Variants in GATA4 observed in about 807,000 individuals in gnomAD.
GATA4 encodes the protein transcription factor GATA-4.
A neutral mutation model predicts 37.9 loss-of-function variants in GATA4; 7 were observed. The observed-to-expected ratio is 0.18, with a 90% CI of 0.11 to 0.35. The LOEUF is 0.35. GATA4 is among the 10% of genes least tolerant of loss of function. GATA4 has a pLI of 1.00. For missense variants in GATA4, 647 were observed against 653.0 expected (o/e 0.99, Z 0.10); for synonymous variants, 372 against 292.6 (o/e 1.27, Z -2.77).
chr8:11,713,681 G>T (rs911666411), intron 2 of GATA4, among the ~76,000 whole-genome samples: 1 of 152,134 alleles, frequency 6.6e-6, no homozygotes, highest in African/African-American at 2.4e-5. Context: ...TTAACTCTGT[G>T]TTAGTGAAGG....
At chr8:11,752,040 C>T (rs1330882972) in intron 4 of GATA4, among the ~76,000 whole-genome samples, 1 of 152,074 alleles carries the variant, frequency 6.6e-6, no homozygotes, top group East Asian at 1.9e-4. Context: ...CTTAAAACCC[C>T]ATAAAGGAAT....
At chr8:11,696,034 G>A (rs888556900) in intron 1 of GATA4, among the ~76,000 whole-genome samples, 3 of 152,216 alleles carry the variant, frequency 2.0e-5, no homozygotes, top group Non-Finnish European at 4.4e-5. Context: ...TCGCACTAAA[G>A]ACAGGATGGG....
chr8:11,726,851 C>A (rs572805376), intron 2 of GATA4, among the ~76,000 whole-genome samples: 80 of 152,324 alleles, frequency 5.3e-4, no homozygotes, highest in African/African-American at 1.8e-3. Context: ...TCTTTACATT[C>A]CATCAGTGTT....
chr8:11,703,191 A>T (rs77081760), upstream of GATA4, among the ~76,000 whole-genome samples: 1 of 151,726 alleles, frequency 6.6e-6, no homozygotes, highest in African/African-American at 2.4e-5. Flanking sequence ...AAAAAAAAAA[A>T]GTTTAACCGA....
chr8:11,718,191 C>G (rs73537880), intron 2 of GATA4, among the ~76,000 whole-genome samples: 1,690 of 152,252 alleles, frequency 0.011, 28 homozygotes, highest in African/African-American at 0.039. Context: ...AGGAAAAGCC[C>G]CGTGGAATTG....
At chr8:11,686,586 C>A (rs10096015) in intron 1 of GATA4, among the ~76,000 whole-genome samples, 13,879 of 152,196 alleles carry the variant, frequency 0.091, 2,182 homozygotes, top group African/African-American at 0.32. Flanking sequence ...GGCACCATAG[C>A]CATCTTCATG....
rs1800091820 is a variant in GATA4 at position 11,709,822 on chromosome 8, G to A, written c.616+894G>A. ...CCACTGATTCACAAATAAACGCAGCGGGATCTGAGAAGGGGCCTGAGTACA... is the reference window on the plus strand; with the variant it reads ...CCACTGATTCACAAATAAACGCAGCAGGATCTGAGAAGGGGCCTGAGTACA... On this transcript the variant is annotated intron_variant, in intron 2 of 6. Coordinates refer to ENST00000532059, the MANE Select transcript of GATA4 (RefSeq NM_001308093.3). The surrounding 1 kb of genome is among the most constrained non-coding windows in gnomAD (Gnocchi z 4.3). Among the ~76,000 whole-genome samples the A allele has an allele frequency of 6.6e-6, 1 of 152,146 alleles. No homozygotes were observed. Among genetic ancestry groups the A allele is most frequent in the South Asian group, 2.1e-4 (1 of 4,824 alleles).
upstream of GATA4, chr8:11,691,980 T>C (rs1267743635): frequency 3.1e-6 from 3 of 983,210 alleles, no homozygotes; most frequent in Admixed American, 1.2e-4. Context: ...ATGTTGACTT[T>C]CTCCTTTAAT....
chr8:11,738,058 G>A (rs956214050), intron 2 of GATA4, among the ~76,000 whole-genome samples: 11 of 151,890 alleles, frequency 7.2e-5, no homozygotes, highest in African/African-American at 2.7e-4. Flanking sequence ...GTATATACCT[G>A]TAATCCCAGC....
chr8:11,748,089 A>G (rs1802116390), intron 2 of GATA4, among the ~76,000 whole-genome samples: 1 of 152,144 alleles, frequency 6.6e-6, no homozygotes, highest in Non-Finnish European at 1.5e-5. Context: ...GTGGTGGCGC[A>G]TGCCTGTAAT....
chr8:11,703,692 C>T (rs1453610092), upstream of GATA4, among the ~76,000 whole-genome samples: 1 of 152,224 alleles, frequency 6.6e-6, no homozygotes, highest in Non-Finnish European at 1.5e-5. Context: ...TTTTAGGAGG[C>T]AGTCTGGGTG....
chr8:11,741,691 C>G (rs1273735272), intron 2 of GATA4, among the ~76,000 whole-genome samples: 1 of 152,156 alleles, frequency 6.6e-6, no homozygotes, highest in Non-Finnish European at 1.5e-5. Flanking sequence ...TCGAAGGTCT[C>G]AAAATCTAAT....
At position 11,747,781 on chromosome 8, in the gene GATA4, A is replaced by G. The variant is rs182769019; in HGVS notation, c.617-1135A>G. 3.5e-4 allele frequency among the ~76,000 whole-genome samples: 54 copies of G among 152,332 alleles called. 1 individual carries two copies. The East Asian group carries it at 0.01, about 29-fold the overall frequency. Reference sequence around the variant, plus strand: ...ATAGCTGAATGATACTAGTTAAATGATGGCACCTTTATATGATGGAACAAT... The same window carrying G: ...ATAGCTGAATGATACTAGTTAAATGGTGGCACCTTTATATGATGGAACAAT... On this transcript the variant is annotated intron_variant, in intron 2 of 6. Transcript: ENST00000532059.
upstream of GATA4, among the ~76,000 whole-genome samples, chr8:11,690,901 A>G (rs1333768693): frequency 6.6e-6 from 1 of 152,240 alleles, no homozygotes; most frequent in African/African-American, 2.4e-5. Context: ...GTTATGTAAG[A>G]AGATACCCTG....
intron 2 of GATA4, among the ~76,000 whole-genome samples, chr8:11,741,518 G>A (rs1413028311): frequency 1.3e-5 from 2 of 152,030 alleles, no homozygotes; most frequent in Admixed American, 6.6e-5. Flanking sequence ...TGAGAGCAAT[G>A]CAACAGTCCA....
At chr8:11,730,738 T>C (rs936471632) in intron 2 of GATA4, among the ~76,000 whole-genome samples, 3 of 152,242 alleles carry the variant, frequency 2.0e-5, no homozygotes, top group African/African-American at 7.2e-5. Flanking sequence ...TGTTTTGTTA[T>C]TTATTCCAGC....
chr8:11,704,174 G>A (rs1799786182), upstream of GATA4: 1 of 152,268 alleles, frequency 6.6e-6, no homozygotes, highest in Non-Finnish European at 1.5e-5. Context: ...GGGCCGAGTT[G>A]CTGGGCCGGG....
At chr8:11,754,232 T>C (rs1294337815) in intron 4 of GATA4, among the ~76,000 whole-genome samples, 4 of 152,170 alleles carry the variant, frequency 2.6e-5, no homozygotes, top group Non-Finnish European at 5.9e-5. Flanking sequence ...CTCACACCTT[T>C]TGAAGATAGG....
At chr8:11,683,460 C>G (rs1276505565) in intron 1 of GATA4, among the ~76,000 whole-genome samples, 6 of 152,124 alleles carry the variant, frequency 3.9e-5, no homozygotes, top group African/African-American at 7.2e-5. Context: ...GTTCAATGAG[C>G]TTTACATTGT....
Sources: gnomAD v4.1 joint callset for allele counts (sites outside exome capture counted in the v4.1 genomes callset) on GRCh38, gnomAD v4.1.1 for gene constraint, Gnocchi (gnomAD v3.1) non-coding constraint, MANE v1.5 for transcripts, NCBI Gene and HGNC (gene_info 2026-07-23, HGNC 2026-07-21) for gene names.